APCDD1: variants seen among roughly 807,000 people sequenced by gnomAD.
APCDD1 encodes the protein protein APCDD1.
In APCDD1, 15 loss-of-function variants were observed where a neutral mutation model predicts 38.1. The ratio of observed to expected loss-of-function variants is 0.39; its 90% CI spans 0.26 to 0.61. APCDD1 has a LOEUF of 0.61. Ranked by LOEUF, APCDD1 falls within the 20% of genes least tolerant of loss-of-function variation. APCDD1 has a pLI of 0.49. For missense variants in APCDD1, 647 were observed against 696.2 expected, an observed-to-expected ratio of 0.93 and a Z score of 0.79; for synonymous variants, 261 against 279.7, an observed-to-expected ratio of 0.93 and a Z score of 0.67.
chr18:10,458,305 A>G (rs140524476), intron 1 of APCDD1, among the ~76,000 whole-genome samples: 1 of 152,332 alleles, frequency 6.6e-6, no homozygotes, highest in Admixed American at 6.5e-5. Context: ...CTCTCCTTTC[A>G]TTAAAGCTTA....
intron 3 of APCDD1, among the ~76,000 whole-genome samples, chr18:10,482,130 C>G (rs941440612): frequency 6.6e-6 from 1 of 152,170 alleles, no homozygotes; most frequent in Admixed American, 6.5e-5. Context: ...ACTAACGTCC[C>G]TTATTTCATT....
chr18:10,483,750 C>T (rs761771888), intron 3 of APCDD1, among the ~76,000 whole-genome samples: 5 of 152,222 alleles, frequency 3.3e-5, no homozygotes, highest in African/African-American at 7.2e-5. Flanking sequence ...CATGGGAGCA[C>T]GGGGCTGGGG....
intron 3 of APCDD1, chr18:10,477,022 C>A (rs549483277): frequency 2.0e-5 from 3 of 152,398 alleles, no homozygotes; most frequent in East Asian, 3.9e-4. Flanking sequence ...AGCCTAGCTG[C>A]AGGAGCCAGC....
At position 10,475,407 on chromosome 18, in the gene APCDD1, A is replaced by C. The variant is rs971214713; in HGVS notation, c.774+3346A>C. ...AGATACTACACGAGACATATTGTTA[A>C]GTAGGAAAAAAGGAAGTTATAAAAT... On this transcript the variant is annotated intron_variant, in intron 3 of 4. Coordinates refer to ENST00000355285, the MANE Select transcript of APCDD1 (RefSeq NM_153000.5). The surrounding 1 kb of genome is among the most constrained non-coding windows in gnomAD (Gnocchi z 4.0). Among the ~76,000 whole-genome samples, 10 of 152,374 alleles carry C rather than the reference A, an allele frequency of 6.6e-5. No homozygotes were observed. The highest frequency in any genetic ancestry group is 5.2e-4 in the Admixed American group (8 of 15,306).
chr18:10,461,578 G>A (rs896703287), intron 1 of APCDD1, among the ~76,000 whole-genome samples: 13 of 152,132 alleles, frequency 8.5e-5, no homozygotes, highest in African/African-American at 3.1e-4. Flanking sequence ...CAAATGAGAT[G>A]ATATATACAT....
intron 1 of APCDD1, among the ~76,000 whole-genome samples, chr18:10,461,194 A>G (rs934128477): frequency 2.0e-5 from 3 of 152,172 alleles, no homozygotes; most frequent in Admixed American, 1.3e-4. Flanking sequence ...CTTACATACC[A>G]CCGAGCCCTC....
At position 10,488,223 on chromosome 18, in the gene APCDD1, T is replaced by C. The variant is rs1321006428; in HGVS notation, c.*185T>C. ...AGCAAGGAGTGTTTGAAGTTTCTGC[T>C]TTGAACTCCGTCCAGCCTGATCCCT... On this transcript the variant is annotated 3_prime_UTR_variant, in exon 5 of 5. Transcript: ENST00000355285. 1 of 756,782 alleles carries C rather than the reference T, an allele frequency of 1.3e-6. No individual in the cohort carries two copies. The highest frequency in any genetic ancestry group is 2.1e-6 in the Non-Finnish European group (1 of 468,094). The allele number at this position is 756,782 out of a possible 1,614,324, so 46.9% of individuals were successfully genotyped here. A position where few individuals can be genotyped will look rare whatever the true frequency, so the allele number is the denominator to read the frequency against.
At position 10,470,167 on chromosome 18, in the gene APCDD1, G is replaced by A. The variant is rs1212492660; in HGVS notation, c.243-1363G>A. ...GAGGAGCTGCAGGAGCAACTGAGAA[G>A]TGAGTGGGCCTGAGATCCACTGTAC... On this transcript the variant is annotated intron_variant, in intron 2 of 4. Coordinates refer to ENST00000355285, the MANE Select transcript of APCDD1 (RefSeq NM_153000.5). This position sits in a 1 kb window ranked among gnomAD's most constrained non-coding sequence, Gnocchi z 4.1. Among the ~76,000 whole-genome samples the A allele has an allele frequency of 6.6e-6, 1 of 152,224 alleles. No homozygotes were observed. The highest frequency in any genetic ancestry group is 1.9e-4 in the East Asian group (1 of 5,192).
At position 10,470,709 on chromosome 18, in the gene APCDD1, C is replaced by T. The variant is rs978175960; in HGVS notation, c.243-821C>T. 1.4e-4 allele frequency among the ~76,000 whole-genome samples: 21 copies of T among 152,192 alleles called. No individual in the cohort carries two copies. Among genetic ancestry groups the T allele is most frequent in the Non-Finnish European group, 1.9e-4 (13 of 68,028 alleles). ...ATTTGGCCAGGGCTTTAAGTACCTCCCCGTACCCCCATTGCAGCCTCAGCT... is the reference window on the plus strand; with the variant it reads ...ATTTGGCCAGGGCTTTAAGTACCTCTCCGTACCCCCATTGCAGCCTCAGCT... On this transcript the variant is annotated intron_variant, in intron 2 of 4. Coordinates refer to ENST00000355285, the MANE Select transcript of APCDD1 (RefSeq NM_153000.5). This position sits in a 1 kb window ranked among gnomAD's most constrained non-coding sequence, Gnocchi z 4.1.
chr18:10,482,821 T>G (rs1185394246), intron 3 of APCDD1, among the ~76,000 whole-genome samples: 7 of 152,216 alleles, frequency 4.6e-5, no homozygotes, highest in Non-Finnish European at 7.3e-5. Context: ...AGAACTCTTG[T>G]TAAGGTGAAA....
rs1475311934 is a variant in APCDD1, at chr18:10,469,449, T to C, written c.242+797T>C. Among the ~76,000 whole-genome samples, 1 of 152,232 alleles carries C rather than the reference T, an allele frequency of 6.6e-6. No homozygotes were observed. Among genetic ancestry groups the C allele is most frequent in the African/African-American group, 2.4e-5 (1 of 41,464 alleles). On this transcript the variant is annotated intron_variant, in intron 2 of 4. Coordinates refer to ENST00000355285, the MANE Select transcript of APCDD1 (RefSeq NM_153000.5). This position sits in a 1 kb window ranked among gnomAD's most constrained non-coding sequence, Gnocchi z 5.5. ...AAATAACCACGATAAACAATTTGTA[T>C]AAACAACCTTCATGTTACATACTTT...
rs187724002 is a variant in APCDD1 at position 10,466,960 on chromosome 18, A to G, written c.59-1509A>G. ...TGTCTCACTGACATTCATTGCATGT[A>G]AAATCTGTAAGAACGATCAGAAGCT... On this transcript the variant is annotated intron_variant, in intron 1 of 4. Coordinates refer to ENST00000355285, the MANE Select transcript of APCDD1 (RefSeq NM_153000.5). 1.4e-4 allele frequency among the ~76,000 whole-genome samples: 21 copies of G among 152,362 alleles called. No homozygotes were observed. In the East Asian group the frequency reaches 3.3e-3, roughly 24 times the overall value.
intron 1 of APCDD1, among the ~76,000 whole-genome samples, chr18:10,468,192 A>G (rs1283566448): frequency 2.0e-5 from 3 of 152,208 alleles, no homozygotes; most frequent in African/African-American, 7.2e-5. Context: ...CATGGATTTG[A>G]TCTCTGGCTT....
intron 3 of APCDD1, among the ~76,000 whole-genome samples, chr18:10,480,659 TG>T (rs1175248785): frequency 6.6e-6 from 1 of 151,736 alleles, no homozygotes; most frequent in Non-Finnish European, 1.5e-5. Context: ...CTCAGAAGTT[TG>T]AGACCAGCCT....
Position 10,471,492 on chromosome 18 carries a change from G to A in APCDD1, c.243-38G>A, listed in dbSNP as rs2030849202. ...AATGAATCTCTTTCCCATACCTTCA[G>A]GCTTACAAAGGTCTCTTCTTCCCCT... On this transcript the variant is annotated intron_variant, in intron 2 of 4. Transcript: ENST00000355285. This position sits in a 1 kb window ranked among gnomAD's most constrained non-coding sequence, Gnocchi z 5.5. 1.9e-6 allele frequency: 3 copies of A among 1,613,174 alleles called. No homozygotes were observed. The highest frequency in any genetic ancestry group is 2.5e-6 in the Non-Finnish European group (3 of 1,179,288).
At chr18:10,473,301 T>A (rs1425681735) in intron 3 of APCDD1, among the ~76,000 whole-genome samples, 1 of 152,224 alleles carries the variant, frequency 6.6e-6, no homozygotes, top group African/African-American at 2.4e-5. Context: ...TGGAGGCTGC[T>A]TCCTCTGGAT....
intron 4 of APCDD1, 85 bp from the exon 5 acceptor site, chr18:10,487,505 A>G: frequency 7.5e-7 from 1 of 1,341,342 alleles, no homozygotes; most frequent in Non-Finnish European, 1.1e-6. Context: ...TTGTCTAGTT[A>G]GAGTGTGGCC....
In APCDD1 at chr18:10,472,206, GGGA is replaced by G; in HGVS notation, c.774+150_774+152del. 8.7e-7 allele frequency: 1 copy of G among 1,149,652 alleles called. No homozygotes were observed. Among genetic ancestry groups the G allele is most frequent in the Non-Finnish European group, 1.3e-6 (1 of 795,214 alleles). 71.2% of individuals were successfully genotyped at this position (1,149,652 alleles called of 1,614,324 possible). On this transcript the variant is annotated intron_variant, in intron 3 of 4. Coordinates refer to ENST00000355285, the MANE Select transcript of APCDD1 (RefSeq NM_153000.5). The surrounding 1 kb of genome is among the most constrained non-coding windows in gnomAD (Gnocchi z 6.6). ...GGCCAAGGTGGGGCTGCTGCGAGGT[GGGA>G]GGAGATGGGAAAGGCTGGGGCTGAG...
chr18:10,462,452 TCCCTCCCTCCCTCCC>T (rs2030574547), intron 1 of APCDD1, among the ~76,000 whole-genome samples: 1 of 63,884 alleles, frequency 1.6e-5, no homozygotes, highest in African/African-American at 9.8e-5. Context: ...TCTCCTTTCC[TCCCTCCCTCCCTCCC>T]TCCTTCCTTC....
Sources: gnomAD v4.1 joint callset for allele counts (sites outside exome capture counted in the v4.1 genomes callset) on GRCh38, gnomAD v4.1.1 for gene constraint, Gnocchi (gnomAD v3.1) non-coding constraint, MANE v1.5 for transcripts, NCBI Gene and HGNC (gene_info 2026-07-23, HGNC 2026-07-21) for gene names.